Variants in SLC25A21 observed in about 807,000 individuals in gnomAD.
SLC25A21 encodes the protein solute carrier family 25 member 21, also known as mitochondrial 2-oxodicarboxylate carrier.
A neutral mutation model predicts 43.8 loss-of-function variants in SLC25A21; 47 were observed. That is an observed-to-expected ratio of 1.07 (90% CI 0.85 to 1.37). The LOEUF is 1.37. Among genes scored for constraint, SLC25A21 ranks in the 40% most tolerant of loss-of-function variants. The pLI is 0.00. For synonymous variants in SLC25A21, 131 were observed against 121.3 expected, an observed-to-expected ratio of 1.08 and a Z score of -0.52; for missense variants, 352 against 350.2, an observed-to-expected ratio of 1.00 and a Z score of -0.04.
chr14:36,814,680 C>T (rs534744589), intron 2 of SLC25A21, among the ~76,000 whole-genome samples: 12 of 152,214 alleles, frequency 7.9e-5, no homozygotes, highest in South Asian at 4.1e-4. Context: ...CAGATGCTGG[C>T]GAGACTGTGG....
chr14:36,894,759 A>T (rs1380113836), intron 1 of SLC25A21, among the ~76,000 whole-genome samples: 1 of 152,070 alleles, frequency 6.6e-6, no homozygotes, highest in African/African-American at 2.4e-5. Context: ...AGCATTGTTG[A>T]ATTTTGTTAA....
At position 36,684,831 on chromosome 14, in the gene SLC25A21, C is replaced by G. The variant is rs758972415; in HGVS notation, c.698G>C (p.Ser233Thr). Reference protein sequence around the residue: ...VINIPFDVAKSRIQGPQPVPG... With the variant: ...VINIPFDVAKTRIQGPQPVPG... ...AACTGGTTGAGGCCCTTGAATCCTACTTTTGGCAACATCAAAAGGGATGTT... is the reference window on the plus strand; with the variant it reads ...AACTGGTTGAGGCCCTTGAATCCTAGTTTTGGCAACATCAAAAGGGATGTT... Residue 233 changes from serine (S) to threonine (T), a missense_variant, in exon 8 of 10, where the codon AGT (serine) becomes ACT (threonine). Physicochemically the swap from Ser to Thr is moderately conservative, Grantham distance 58. Transcript: ENST00000331299. The G allele has an allele frequency of 1.9e-6, 3 of 1,614,076 alleles. No individual in the cohort carries two copies. In the South Asian group the frequency reaches 3.3e-5, roughly 18 times the overall value.
chr14:36,726,354 G>A (rs577056501), intron 5 of SLC25A21, among the ~76,000 whole-genome samples: 11 of 152,104 alleles, frequency 7.2e-5, no homozygotes, highest in African/African-American at 2.2e-4. Context: ...GATCACTTGA[G>A]CCTAAGAGTT....
At chr14:36,868,589 A>G (rs1182401249) in intron 2 of SLC25A21, among the ~76,000 whole-genome samples, 1 of 152,220 alleles carries the variant, frequency 6.6e-6, no homozygotes, top group Non-Finnish European at 1.5e-5. Flanking sequence ...ATTTCTAACC[A>G]TCTTTTAAAA....
chr14:37,108,672 A>T (rs1331062499), intron 1 of SLC25A21, among the ~76,000 whole-genome samples: 4 of 151,444 alleles, frequency 2.6e-5, no homozygotes, highest in Non-Finnish European at 5.9e-5. Flanking sequence ...AATCACCTAC[A>T]TACTGGGAAT....
intron 1 of SLC25A21, among the ~76,000 whole-genome samples, chr14:37,089,084 T>C (rs978009665): frequency 2.0e-5 from 3 of 152,142 alleles, no homozygotes; most frequent in Admixed American, 6.5e-5. Flanking sequence ...CTTTTAAAGA[T>C]CCTGATTCAA....
intron 3 of SLC25A21, among the ~76,000 whole-genome samples, chr14:36,774,703 T>C (rs848120): frequency 0.65 from 98,615 of 151,962 alleles, 32,902 homozygotes; most frequent in East Asian, 0.89. Flanking sequence ...GTAGCTGGGA[T>C]GACAGGCATG....
In SLC25A21 at chr14:36,789,833, T is replaced by A. The variant is rs1339952285; in HGVS notation, c.203+24085A>T. Among the ~76,000 whole-genome samples the A allele has an allele frequency of 4.9e-5, 5 of 101,376 alleles. 1 individual carries two copies. The highest frequency in any genetic ancestry group is 2.2e-4 in the African/African-American group (5 of 22,630). 66.5% of individuals were successfully genotyped at this position (101,376 alleles called of 152,430 possible). A position where few individuals can be genotyped will look rare whatever the true frequency, so the allele number is the denominator to read the frequency against. Reference sequence around the variant, plus strand: ...ATTATATATAATATATTTTATATATTTATATTTAATATATTTTATATATTT... The same window carrying A: ...ATTATATATAATATATTTTATATATATATATTTAATATATTTTATATATTT... On this transcript the variant is annotated intron_variant, in intron 3 of 9. Coordinates refer to ENST00000331299, the MANE Select transcript of SLC25A21 (RefSeq NM_030631.4).
At chr14:36,956,255 G>A (rs1276997137) in intron 1 of SLC25A21, among the ~76,000 whole-genome samples, 3 of 152,148 alleles carry the variant, frequency 2.0e-5, no homozygotes, top group African/African-American at 4.8e-5. Flanking sequence ...TGGCAGAGAT[G>A]CATAGTACAC....
In SLC25A21 at chr14:36,711,501, A is replaced by G; in HGVS notation, c.439-19T>C. ...ATGGTTGCTGCAGAAGAGAGAAGCA[A>G]GGCCAGAATGATCATCTTTGGGACT... is the stretch of plus-strand genomic sequence containing the variant. On this transcript the variant is annotated intron_variant, in intron 6 of 9. Coordinates refer to ENST00000331299, the MANE Select transcript of SLC25A21 (RefSeq NM_030631.4). 1 of 1,610,974 alleles carries G rather than the reference A, an allele frequency of 6.2e-7. No individual in the cohort carries two copies. The highest frequency in any genetic ancestry group is 8.5e-7 in the Non-Finnish European group (1 of 1,178,832).
rs1881981433 is a variant in SLC25A21 at position 36,677,970 on chromosome 14, G to A, written c.*2688C>T. ...CTGTTTAGGAAGTTCTTCCTGTTTGGCAATATAGGCTTAAAAATATGTTTT... is the reference window on the plus strand; with the variant it reads ...CTGTTTAGGAAGTTCTTCCTGTTTGACAATATAGGCTTAAAAATATGTTTT... On this transcript the variant is annotated 3_prime_UTR_variant, in exon 10 of 10. Coordinates refer to ENST00000331299, the MANE Select transcript of SLC25A21 (RefSeq NM_030631.4). 6.5e-6 allele frequency: 1 copy of A among 152,904 alleles called. No homozygotes were observed. The highest frequency in any genetic ancestry group is 6.5e-5 in the Admixed American group (1 of 15,420). The allele number at this position is 152,904 out of a possible 1,614,324, so 9.5% of individuals were successfully genotyped here.
chr14:36,688,460 G>A (rs985037892), intron 7 of SLC25A21, among the ~76,000 whole-genome samples: 3 of 152,174 alleles, frequency 2.0e-5, no homozygotes, highest in African/African-American at 7.2e-5. Context: ...CAAGATGCTC[G>A]GAGCTGAAGA....
At chr14:36,862,626 G>A (rs1890102630) in intron 2 of SLC25A21, among the ~76,000 whole-genome samples, 1 of 143,158 alleles carries the variant, frequency 7.0e-6, no homozygotes, top group African/African-American at 2.5e-5. Context: ...TGGGGCTAGG[G>A]GAGGAATAGC....
chr14:36,843,152 C>G (rs1889437942), intron 2 of SLC25A21, among the ~76,000 whole-genome samples: 2 of 152,184 alleles, frequency 1.3e-5, no homozygotes, highest in Non-Finnish European at 2.9e-5. Context: ...TAGTTCCTAA[C>G]AGGCCACAGA....
chr14:36,881,311 C>T (rs1433164799), intron 1 of SLC25A21, among the ~76,000 whole-genome samples: 2 of 151,716 alleles, frequency 1.3e-5, no homozygotes, highest in Non-Finnish European at 2.9e-5. Flanking sequence ...AGTCACAAGG[C>T]TGATTTCTGG....
At chr14:36,904,989 G>T in intron 1 of SLC25A21, among the ~76,000 whole-genome samples, 1 of 152,152 alleles carries the variant, frequency 6.6e-6, no homozygotes, top group East Asian at 1.9e-4. Flanking sequence ...AACCTATTTA[G>T]ATATGATTAG....
chr14:36,821,761 G>A (rs551682457), intron 2 of SLC25A21, among the ~76,000 whole-genome samples: 15 of 152,274 alleles, frequency 9.9e-5, no homozygotes, highest in East Asian at 1.9e-4. Context: ...AGGTTGCAGC[G>A]AGCAGAGATC....
chr14:36,845,373 G>T (rs1889509612), intron 2 of SLC25A21, among the ~76,000 whole-genome samples: 1 of 152,118 alleles, frequency 6.6e-6, no homozygotes, highest in Non-Finnish European at 1.5e-5. Context: ...AAGATACAAA[G>T]ATCAAATGCT....
At chr14:36,788,900 A>C (rs1243759220) in intron 3 of SLC25A21, 1 of 152,098 alleles carries the variant, frequency 6.6e-6, no homozygotes, top group African/African-American at 2.4e-5. Context: ...GTCAGGGTTT[A>C]TGGCTTACGA....
Sources: allele counts gnomAD v4.1 joint callset (sites outside exome capture counted in the v4.1 genomes callset), GRCh38; gene constraint gnomAD v4.1.1; transcripts MANE v1.5; gene names NCBI Gene and HGNC (gene_info 2026-07-23, HGNC 2026-07-21).